Variants in PAX5 observed in about 807,000 individuals in gnomAD.
PAX5 encodes paired box protein Pax-5.
In PAX5, 9 loss-of-function variants were observed where a neutral mutation model predicts 43.7. That is an observed-to-expected ratio of 0.21 (90% CI 0.12 to 0.36). PAX5 has a LOEUF of 0.36. Ranked by LOEUF, PAX5 falls within the 10% of genes least tolerant of loss-of-function variation. PAX5 has a pLI of 1.00. For missense variants in PAX5, 383 were observed against 532.7 expected (o/e 0.72, Z 2.77); for synonymous variants, 228 against 214.3 (o/e 1.06, Z -0.56).
chr9:36,848,686 C>T (rs907531065), intron 8 of PAX5, among the ~76,000 whole-genome samples: 1 of 152,166 alleles, frequency 6.6e-6, no homozygotes, highest in Non-Finnish European at 1.5e-5. Flanking sequence ...TTGACAATGC[C>T]GAGCCCAGGG....
intron 5 of PAX5, among the ~76,000 whole-genome samples, chr9:36,999,376 G>A (rs9408281): frequency 0.5 from 76,084 of 152,032 alleles, 19,458 homozygotes; most frequent in Middle Eastern, 0.68. Context: ...CTTTCCCCCA[G>A]TGTCACCTCA....
intron 5 of PAX5, among the ~76,000 whole-genome samples, chr9:36,991,520 GAGGTGAGAA>G (rs1836936574): frequency 6.6e-6 from 1 of 152,294 alleles, no homozygotes; most frequent in Non-Finnish European, 1.5e-5. Flanking sequence ...TTGGACCATG[GAGGTGAGAA>G]AGGACCAGAT....
chr9:36,897,010 A>G (rs78232902), intron 7 of PAX5, among the ~76,000 whole-genome samples: 3,989 of 152,220 alleles, frequency 0.026, 177 homozygotes, highest in African/African-American at 0.091. Flanking sequence ...TCTGGAGGAG[A>G]AGGCACTGAA....
rs1208415118 is a variant in PAX5 at position 37,002,764 on chromosome 9, G to A, written c.488C>T (p.Ser163Phe). 1 of 1,609,438 alleles carries A rather than the reference G, an allele frequency of 6.2e-7. No homozygotes were observed. Among genetic ancestry groups the A allele is most frequent in the Non-Finnish European group, 8.5e-7 (1 of 1,178,500 alleles). Residue 163 changes from serine to phenylalanine, a missense_variant, in exon 5 of 10, where the codon TCC becomes TTC. Around this residue, in one of 5 missense-constraint regions of PAX5, gnomAD observed 291 missense variants for 342.5 expected, o/e 0.85. Transcript: ENST00000358127. ...ASSHSIVSTG[S>F]VTQVSSVSTD... The stretch of plus-strand genomic sequence containing the variant: ...GCTCACCGAGGACACCTGCGTCACG[G>A]AGCCAGTGGACACTGCGCGGAGAAA...
In PAX5 at chr9:37,034,155, T is replaced by G; in HGVS notation, c.-124A>C. 1 of 579,604 alleles carries G rather than the reference T, an allele frequency of 1.7e-6. No homozygotes were observed. The highest frequency in any genetic ancestry group is 2.9e-6 in the Non-Finnish European group (1 of 343,776). 35.9% of individuals were successfully genotyped at this position (579,604 alleles called of 1,614,324 possible). On this transcript the variant is annotated 5_prime_UTR_variant, in exon 1 of 10. Coordinates refer to ENST00000358127, the MANE Select transcript of PAX5 (RefSeq NM_016734.3). The stretch of plus-strand genomic sequence containing the variant: ...GCCAGGGGCCGCTCACAGGTCGGAA[T>G]AATTCAAGCCTTCCGCTCCCCCGCC...
chr9:36,934,330 T>C (rs567443240), intron 6 of PAX5, among the ~76,000 whole-genome samples: 15 of 152,208 alleles, frequency 9.9e-5, no homozygotes, highest in Admixed American at 2.6e-4. Flanking sequence ...GAGTCCCCAG[T>C]GCTAGACTCA....
At chr9:36,968,331 A>G (rs1278519839) in intron 5 of PAX5, among the ~76,000 whole-genome samples, 1 of 152,176 alleles carries the variant, frequency 6.6e-6, no homozygotes, top group Non-Finnish European at 1.5e-5. Flanking sequence ...AAGCAGTGAG[A>G]TGTGGTGTCA....
chr9:36,923,871 T>C (rs907656777), intron 6 of PAX5, among the ~76,000 whole-genome samples: 1 of 152,284 alleles, frequency 6.6e-6, no homozygotes, highest in Admixed American at 6.5e-5. Flanking sequence ...GCCAAGAGAA[T>C]GGAAAGAACG....
At chr9:36,973,777 A>G (rs7025707) in intron 5 of PAX5, among the ~76,000 whole-genome samples, 114,507 of 152,038 alleles carry the variant, frequency 0.75, 43,371 homozygotes, top group South Asian at 0.87. Flanking sequence ...AGGCCAAGGC[A>G]GGCGGATCAC....
At chr9:36,941,133 G>A (rs1295780571) in intron 6 of PAX5, among the ~76,000 whole-genome samples, 2 of 152,206 alleles carry the variant, frequency 1.3e-5, no homozygotes, top group East Asian at 1.9e-4. Context: ...CTGCACAGCC[G>A]CTAAGCCAGC....
intron 6 of PAX5, among the ~76,000 whole-genome samples, chr9:36,925,499 T>C (rs1379376452): frequency 6.6e-6 from 1 of 152,142 alleles, no homozygotes; most frequent in African/African-American, 2.4e-5. Flanking sequence ...CCCTGGTCCG[T>C]GCACATATGG....
At chr9:36,974,820 C>A (rs1295941437) in intron 5 of PAX5, among the ~76,000 whole-genome samples, 1 of 152,160 alleles carries the variant, frequency 6.6e-6, no homozygotes, top group Admixed American at 6.5e-5. Context: ...GGGGACAAAG[C>A]CTGAGCCCCC....
At chr9:36,933,720 C>A (rs1374945408) in intron 6 of PAX5, among the ~76,000 whole-genome samples, 1 of 152,220 alleles carries the variant, frequency 6.6e-6, no homozygotes, top group Non-Finnish European at 1.5e-5. Flanking sequence ...GTTCTTTAAA[C>A]CTGGACACAC....
At chr9:36,908,692 A>G (rs1489268011) in intron 7 of PAX5, among the ~76,000 whole-genome samples, 1 of 152,204 alleles carries the variant, frequency 6.6e-6, no homozygotes, top group Non-Finnish European at 1.5e-5. Flanking sequence ...TGAAATCGCT[A>G]TTTTAGGAAG....
At chr9:36,956,739 G>A (rs1833515591) in intron 6 of PAX5, among the ~76,000 whole-genome samples, 1 of 152,164 alleles carries the variant, frequency 6.6e-6, no homozygotes, top group South Asian at 2.1e-4. Flanking sequence ...ATTCTTGGCA[G>A]CAAATCAAGT....
intron 7 of PAX5, among the ~76,000 whole-genome samples, chr9:36,916,117 A>G (rs1255248472): frequency 6.6e-6 from 1 of 151,608 alleles, no homozygotes; most frequent in Admixed American, 6.6e-5. Flanking sequence ...TTCATTTTTG[A>G]TATTTAAAGG....
chr9:36,915,120 A>G (rs1022987651), intron 7 of PAX5, among the ~76,000 whole-genome samples: 16 of 152,248 alleles, frequency 1.1e-4, no homozygotes, highest in African/African-American at 1.4e-4. Context: ...AGGATCATAC[A>G]TATATAGATA....
At chr9:37,029,538 T>G (rs1055328768) in intron 1 of PAX5, among the ~76,000 whole-genome samples, 9 of 152,166 alleles carry the variant, frequency 5.9e-5, no homozygotes, top group Non-Finnish European at 1.0e-4. Flanking sequence ...ACCCCCGGCC[T>G]TGGAGCAGGA....
At chr9:37,002,092 C>T (rs1456706448) in intron 5 of PAX5, among the ~76,000 whole-genome samples, 1 of 151,998 alleles carries the variant, frequency 6.6e-6, no homozygotes, top group Non-Finnish European at 1.5e-5. Flanking sequence ...CTTCCAGACC[C>T]AAGGACAAAG....
Sources: gnomAD v4.1 joint callset for allele counts (sites outside exome capture counted in the v4.1 genomes callset) on GRCh38, gnomAD v4.1.1 for gene constraint, gnomAD v4.1.1 regional missense constraint, MANE v1.5 for transcripts, NCBI Gene and HGNC (gene_info 2026-07-23, HGNC 2026-07-21) for gene names.